The following CTNND2 variants were observed in gnomAD, a reference collection of about 807,000 sequenced individuals.
The protein encoded by CTNND2 is catenin delta-2.
CTNND2 carries 22 observed loss-of-function variants against 144.4 expected under a neutral mutation model. The observed-to-expected ratio is 0.15, with a 90% CI of 0.11 to 0.22. The LOEUF is 0.22. Among genes scored for constraint, CTNND2 ranks in the 10% least tolerant of loss-of-function variants. The probability of loss-of-function intolerance (pLI) is 1.00; values close to 1 mark genes in which losing one functional copy is unlikely to be tolerated. For missense variants in CTNND2, 1,353 were observed against 1,618.8 expected (o/e 0.84, Z 2.82); for synonymous variants, 751 against 695.6 (o/e 1.08, Z -1.25).
chr5:11,695,850 A>G (rs1407890649), intron 2 of CTNND2, among the ~76,000 whole-genome samples: 1 of 152,206 alleles, frequency 6.6e-6, no homozygotes, highest in Non-Finnish European at 1.5e-5. Flanking sequence ...TAAAATTGTG[A>G]TATTATATAT....
At chr5:10,993,843 A>G (rs774388192) in intron 18 of CTNND2, among the ~76,000 whole-genome samples, 3 of 152,112 alleles carry the variant, frequency 2.0e-5, no homozygotes, top group Non-Finnish European at 4.4e-5. Flanking sequence ...GGAAATGAGT[A>G]TGCATTTTGT....
chr5:11,744,650 G>A (rs1399295031), intron 1 of CTNND2, among the ~76,000 whole-genome samples: 1 of 151,760 alleles, frequency 6.6e-6, no homozygotes, highest in African/African-American at 2.4e-5. Context: ...ACATGCTGTT[G>A]GTAGATCCTT....
chr5:11,732,034 G>T lies in CTNND2; in HGVS notation c.174+102C>A, dbSNP rs988020369. 15 of 1,083,336 alleles carry T rather than the reference G, an allele frequency of 1.4e-5. No individual in the cohort carries two copies. The African/African-American group carries it at 2.0e-4, about 15-fold the overall frequency. 67.1% of individuals were successfully genotyped at this position (1,083,336 alleles called of 1,614,324 possible). A position where few individuals can be genotyped will look rare whatever the true frequency, so the allele number is the denominator to read the frequency against. On this transcript the variant is annotated intron_variant, in intron 2 of 21. Transcript: ENST00000304623. ...TAAATACCAACACTCTGCTACATGAGTATGAGTTTCTTTTAACATAATTTA... is the reference window on the plus strand; with the variant it reads ...TAAATACCAACACTCTGCTACATGATTATGAGTTTCTTTTAACATAATTTA...
intron 3 of CTNND2, among the ~76,000 whole-genome samples, chr5:11,415,674 C>T (rs1484020099): frequency 2.0e-5 from 3 of 152,020 alleles, no homozygotes; most frequent in African/African-American, 7.3e-5. Flanking sequence ...TAGGTTACCA[C>T]CCATTTTAAG....
At chr5:11,625,008 A>C (rs572349207) in intron 2 of CTNND2, among the ~76,000 whole-genome samples, 8 of 152,258 alleles carry the variant, frequency 5.3e-5, no homozygotes, top group Admixed American at 4.6e-4. Context: ...CCAAAAAAAA[A>C]CAAAGTATTT....
chr5:11,584,526 A>G (rs1226848433), intron 2 of CTNND2, among the ~76,000 whole-genome samples: 3 of 152,084 alleles, frequency 2.0e-5, no homozygotes, highest in South Asian at 4.1e-4. Flanking sequence ...AAAAATATTT[A>G]CACACTGGAG....
chr5:11,522,861 G>A (rs546296084), intron 3 of CTNND2, among the ~76,000 whole-genome samples: 41 of 152,216 alleles, frequency 2.7e-4, no homozygotes, highest in Non-Finnish European at 5.0e-4. Flanking sequence ...GATAAATACT[G>A]TCTCAACAAG....
chr5:11,299,693 G>A (rs1580835979), intron 9 of CTNND2, among the ~76,000 whole-genome samples: 2 of 152,172 alleles, frequency 1.3e-5, no homozygotes, highest in Non-Finnish European at 2.9e-5. Context: ...TCCTGCCAAG[G>A]TGTGTCTGAT....
intron 11 of CTNND2, among the ~76,000 whole-genome samples, chr5:11,177,973 G>T (rs190958396): frequency 6.6e-6 from 1 of 152,266 alleles, no homozygotes; most frequent in East Asian, 1.9e-4. Context: ...GATACTTGTT[G>T]GTTCCTGGTA....
chr5:11,497,602 C>T (rs1770100417), intron 3 of CTNND2, among the ~76,000 whole-genome samples: 1 of 143,316 alleles, frequency 7.0e-6, no homozygotes, highest in African/African-American at 2.6e-5. Context: ...GCTGGGGATA[C>T]TATAAGGGAG....
intron 2 of CTNND2, among the ~76,000 whole-genome samples, chr5:11,709,901 CA>C (rs551614232): frequency 2.0e-3 from 303 of 152,060 alleles, no homozygotes; most frequent in Middle Eastern, 6.8e-3. Context: ...TAAGATATTA[CA>C]AAAAAGCATA....
intron 3 of CTNND2, among the ~76,000 whole-genome samples, chr5:11,473,270 G>A (rs941822754): frequency 6.6e-6 from 1 of 152,176 alleles, no homozygotes; most frequent in South Asian, 2.1e-4. Flanking sequence ...GGCCAACTGG[G>A]AGTGGGGAGA....
intron 2 of CTNND2, among the ~76,000 whole-genome samples, chr5:11,654,506 A>T (rs1242590042): frequency 6.6e-6 from 1 of 152,034 alleles, no homozygotes; most frequent in African/African-American, 2.4e-5. Context: ...TGAGATTTTT[A>T]AAAGATTTTC....
chr5:11,107,101 C>A (rs899630593), intron 14 of CTNND2, among the ~76,000 whole-genome samples: 4 of 152,124 alleles, frequency 2.6e-5, no homozygotes, highest in African/African-American at 7.2e-5. Flanking sequence ...TCTGATATGG[C>A]CTCTAACAGA....
intron 9 of CTNND2, among the ~76,000 whole-genome samples, chr5:11,313,719 A>G (rs533121654): frequency 1.3e-5 from 2 of 152,292 alleles, no homozygotes; most frequent in Non-Finnish European, 2.9e-5. Flanking sequence ...GTAATTTGCA[A>G]CCGGTAATTG....
chr5:11,117,537 G>A lies in CTNND2; in HGVS notation c.2190C>T (p.Arg730=), dbSNP rs1753682804. 6.2e-7 allele frequency: 1 copy of A among 1,614,136 alleles called. No individual in the cohort carries two copies. Among genetic ancestry groups the A allele is most frequent in the Non-Finnish European group, 8.5e-7 (1 of 1,179,998 alleles). The change falls in exon 13 of 22, where the codon CGC becomes CGT. Residue 730 remains arginine (R), a synonymous_variant. Transcript: ENST00000304623. ...GCCCATCACACTCTCTCATCCTTCT[G>A]CGGGCCTCCTCTCCGGCCGAACTAA... ...RNVSSAGEEA[R]RRMRECDGLT...
At position 10,972,075 on chromosome 5, in the gene CTNND2, T is replaced by C. The variant is rs192063416; in HGVS notation, c.*1378A>G. ...GCTCCCTGCCACATGAACAAAAAGT[T>C]TGGGGGAATAAGGCGAGCAGTTTAC... On this transcript the variant is annotated 3_prime_UTR_variant, in exon 22 of 22. Coordinates refer to ENST00000304623, the MANE Select transcript of CTNND2 (RefSeq NM_001332.4). The C allele has an allele frequency of 6.5e-6, 1 of 152,748 alleles. No individual in the cohort carries two copies. The highest frequency in any genetic ancestry group is 1.5e-5 in the Non-Finnish European group (1 of 68,036). 9.5% of individuals were successfully genotyped at this position (152,748 alleles called of 1,614,324 possible). A position where few individuals can be genotyped will look rare whatever the true frequency, so the allele number is the denominator to read the frequency against.
intron 3 of CTNND2, among the ~76,000 whole-genome samples, chr5:11,492,742 A>G (rs1353304603): frequency 6.6e-6 from 1 of 151,964 alleles, no homozygotes; most frequent in Non-Finnish European, 1.5e-5. Context: ...ATATATACAT[A>G]CCTATATTTA....
chr5:11,293,547 T>A (rs918314411), intron 9 of CTNND2, among the ~76,000 whole-genome samples: 2 of 152,040 alleles, frequency 1.3e-5, no homozygotes, highest in African/African-American at 4.8e-5. Context: ...TTACCCTTGT[T>A]AAAAGAAATT....
Sources: allele counts gnomAD v4.1 joint callset (sites outside exome capture counted in the v4.1 genomes callset), GRCh38; gene constraint gnomAD v4.1.1; transcripts MANE v1.5; gene names NCBI Gene and HGNC (gene_info 2026-07-23, HGNC 2026-07-21).